Variants in COLEC12 observed in about 807,000 individuals in gnomAD.
COLEC12 encodes collectin-12.
COLEC12 carries 33 observed loss-of-function variants against 71.1 expected under a neutral mutation model. The ratio of observed to expected loss-of-function variants is 0.46; its 90% CI spans 0.35 to 0.62. The LOEUF (loss-of-function observed/expected upper bound fraction) is 0.62, where lower values mean the gene tolerates loss of function less well. Among genes scored for constraint, COLEC12 ranks in the 20% least tolerant of loss-of-function variants. The pLI is 0.00. For synonymous variants in COLEC12, 350 were observed against 353.0 expected, an observed-to-expected ratio of 0.99 and a Z score of 0.10; for missense variants, 765 against 916.1, an observed-to-expected ratio of 0.84 and a Z score of 2.13.
chr18:332,771 C>A (rs1056421172), intron 7 of COLEC12, among the ~76,000 whole-genome samples: 1 of 152,188 alleles, frequency 6.6e-6, no homozygotes, highest in Non-Finnish European at 1.5e-5. Context: ...CCAGAAGGAG[C>A]CACACATCTC....
chr18:488,743 T>A (rs1917565379), intron 1 of COLEC12, among the ~76,000 whole-genome samples: 1 of 150,780 alleles, frequency 6.6e-6, no homozygotes, highest in South Asian at 2.1e-4. Context: ...CGTGCTGGTG[T>A]GCACCTGTAA....
At chr18:455,124 G>A (rs897561865) in intron 2 of COLEC12, among the ~76,000 whole-genome samples, 2 of 152,138 alleles carry the variant, frequency 1.3e-5, no homozygotes, top group Admixed American at 1.3e-4. Context: ...AGAGAAACAA[G>A]GCTAAAGATC....
In COLEC12 at chr18:343,329, C is replaced by T. The variant is rs781780801; in HGVS notation, c.1327+2966G>A. Among the ~76,000 whole-genome samples the T allele has an allele frequency of 7.2e-5, 11 of 152,040 alleles. No homozygotes were observed. In the South Asian group the frequency reaches 8.3e-4, roughly 12 times the overall value. ...TCAGCAAGGCTCAGGTGGGGGAGGC[C>T]GGCCGGGACCTCCTAAAGCTGGGGT... On this transcript the variant is annotated intron_variant, in intron 5 of 9. Transcript: ENST00000400256.
chr18:486,678 G>A (rs9960780), intron 1 of COLEC12, among the ~76,000 whole-genome samples: 51,975 of 152,118 alleles, frequency 0.34, 9,249 homozygotes, highest in Middle Eastern at 0.43. Context: ...GCTAGCAGCC[G>A]GGAAAGCTAA....
chr18:355,358 G>A (rs1374128414), intron 3 of COLEC12, among the ~76,000 whole-genome samples: 1 of 152,074 alleles, frequency 6.6e-6, no homozygotes. Context: ...CATGAAGGGT[G>A]GGAGGGAGGC....
rs1040370312 is a variant in COLEC12 at position 318,494 on chromosome 18, T to TG, written c.*1550_*1551insC. 1.4e-5 allele frequency: 2 copies of TG among 141,660 alleles called. No individual in the cohort carries two copies. Among genetic ancestry groups the TG allele is most frequent in the Non-Finnish European group, 3.1e-5 (2 of 64,754 alleles). The allele number at this position is 141,660 out of a possible 1,614,324, so 8.8% of individuals were successfully genotyped here. A position where few individuals can be genotyped will look rare whatever the true frequency, so the allele number is the denominator to read the frequency against. On this transcript the variant is annotated 3_prime_UTR_variant, in exon 10 of 10. Coordinates refer to ENST00000400256, the MANE Select transcript of COLEC12 (RefSeq NM_130386.3). Reference sequence around the variant, plus strand: ...AGATGGGCTCAGAGGAAAGGTTTTTTTTTTTTTTTTTTTTTTGAGATGGAG... The same window carrying TG: ...AGATGGGCTCAGAGGAAAGGTTTTTTGTTTTTTTTTTTTTTTTGAGATGGAG...
At position 321,716 on chromosome 18, in the gene COLEC12, C is replaced by T. The variant is rs141957359; in HGVS notation, c.2155G>A (p.Asp719Asn). 2.5e-5 allele frequency: 41 copies of T among 1,614,108 alleles called. No homozygotes were observed. The highest frequency in any genetic ancestry group is 1.6e-4 in the African/African-American group (12 of 74,940). ...TTATTGACGTCTTCACATTGGAAATCGTTCCACTGCCCAGCATAAATCAAC... is the reference window on the plus strand; with the variant it reads ...TTATTGACGTCTTCACATTGGAAATTGTTCCACTGCCCAGCATAAATCAAC... ...AGLIYAGQWN[D>N]FQCEDVNNFI... is the part of the protein sequence containing the mutation. Residue 719 changes from aspartate to asparagine, a missense_variant, in exon 9 of 10, where the codon GAT (aspartate) becomes AAT (asparagine). Physicochemically the swap from Asp to Asn is conservative, Grantham distance 23. Transcript: ENST00000400256.
intron 3 of COLEC12, among the ~76,000 whole-genome samples, chr18:351,162 A>G (rs1914512032): frequency 6.6e-6 from 1 of 152,136 alleles, no homozygotes; most frequent in South Asian, 2.1e-4. Context: ...GGATCCTGGA[A>G]TTGTCCCTGG....
At chr18:479,054 C>T (rs1423153455) in intron 2 of COLEC12, among the ~76,000 whole-genome samples, 2 of 152,154 alleles carry the variant, frequency 1.3e-5, no homozygotes, top group African/African-American at 4.8e-5. Context: ...CTACTGATTG[C>T]CAAAACATGT....
At chr18:373,129 T>C (rs752824634) in intron 2 of COLEC12, among the ~76,000 whole-genome samples, 2 of 152,190 alleles carry the variant, frequency 1.3e-5, no homozygotes, top group Non-Finnish European at 2.9e-5. Context: ...TCAATTTCCA[T>C]CTTGATGAAA....
At chr18:375,141 C>A (rs1173619828) in intron 2 of COLEC12, among the ~76,000 whole-genome samples, 1 of 152,190 alleles carries the variant, frequency 6.6e-6, no homozygotes, top group East Asian at 1.9e-4. Context: ...TGGGTCAAGT[C>A]CCTCCTCTGC....
At chr18:374,135 T>A (rs921824957) in intron 2 of COLEC12, among the ~76,000 whole-genome samples, 4 of 151,834 alleles carry the variant, frequency 2.6e-5, no homozygotes, top group Admixed American at 2.6e-4. Flanking sequence ...ATACAGAGAG[T>A]GAATTCCTGA....
At chr18:366,627 G>A (rs538751921) in intron 2 of COLEC12, among the ~76,000 whole-genome samples, 5 of 152,298 alleles carry the variant, frequency 3.3e-5, no homozygotes, top group South Asian at 4.1e-4. Context: ...AGGAGCACCC[G>A]CTAGTACTCG....
At chr18:434,572 A>C (rs977683695) in intron 2 of COLEC12, among the ~76,000 whole-genome samples, 2 of 152,174 alleles carry the variant, frequency 1.3e-5, no homozygotes, top group African/African-American at 4.8e-5. Context: ...TCCTTCTGAC[A>C]GTTCTTTGTC....
chr18:487,109 T>A (rs565572576), intron 1 of COLEC12, among the ~76,000 whole-genome samples: 2 of 152,334 alleles, frequency 1.3e-5, no homozygotes, highest in East Asian at 3.9e-4. Context: ...AACTGTGGTA[T>A]GTCTATACAG....
chr18:478,148 G>A (rs946828361), intron 2 of COLEC12, among the ~76,000 whole-genome samples: 2 of 152,146 alleles, frequency 1.3e-5, no homozygotes, highest in African/African-American at 2.4e-5. Flanking sequence ...CAACACAGAA[G>A]TTGAAAGGTC....
In COLEC12 at chr18:343,709, C is replaced by T. The variant is rs188559919; in HGVS notation, c.1327+2586G>A. ...TTGGAGTTAATGGCATCAGGTTTGG[C>T]ACCAGACGGCCTGGGCTCGGATTCC... On this transcript the variant is annotated intron_variant, in intron 5 of 9. Transcript: ENST00000400256. Among the ~76,000 whole-genome samples the T allele has an allele frequency of 5.3e-3, 803 of 152,278 alleles. 9 individuals carry two copies. Among genetic ancestry groups the T allele is most frequent in the Non-Finnish European group, 5.7e-3 (391 of 68,028 alleles).
At chr18:428,263 CAA>C (rs764493479) in intron 2 of COLEC12, among the ~76,000 whole-genome samples, 5 of 131,308 alleles carry the variant, frequency 3.8e-5, no homozygotes, top group East Asian at 2.3e-4. Context: ...AACTCCGTCT[CAA>C]AAAAAAAAAA....
rs1156692746 is a variant in COLEC12, at chr18:500,675, C to T, written c.-161G>A. The T allele has an allele frequency of 1.8e-5, 6 of 335,122 alleles. No homozygotes were observed. The highest frequency in any genetic ancestry group is 1.2e-4 in the Admixed American group (2 of 16,896). 20.8% of individuals were successfully genotyped at this position (335,122 alleles called of 1,614,324 possible). ...CCCTCGCCGCCGCCGGCCCGCGCTC[C>T]CCGCGCTCCCGGCTCCGCGCTCTGC... On this transcript the variant is annotated 5_prime_UTR_variant, in exon 1 of 10. Transcript: ENST00000400256. This position sits in a 1 kb window ranked among gnomAD's most constrained non-coding sequence, Gnocchi z 5.3.
Sources: allele counts gnomAD v4.1 joint callset (sites outside exome capture counted in the v4.1 genomes callset), GRCh38; gene constraint gnomAD v4.1.1; non-coding constraint Gnocchi (gnomAD v3.1); transcripts MANE v1.5; gene names NCBI Gene and HGNC (gene_info 2026-07-23, HGNC 2026-07-21).